MUSK: variants seen among roughly 807,000 people sequenced by gnomAD.
The protein encoded by MUSK is muscle, skeletal receptor tyrosine-protein kinase.
MUSK carries 55 observed loss-of-function variants against 88.7 expected under a neutral mutation model. The observed-to-expected ratio is 0.62, with a 90% CI of 0.50 to 0.78. MUSK has a LOEUF of 0.78. Ranked by LOEUF, MUSK falls within the 30% of genes least tolerant of loss-of-function variation. The pLI, the probability that MUSK is intolerant of heterozygous loss-of-function variation, is 0.00. For synonymous variants in MUSK, 387 were observed against 391.9 expected (o/e 0.99, Z 0.15); for missense variants, 1,015 against 1,074.3 (o/e 0.94, Z 0.77).
At chr9:110,676,702 ATCCATG>A (rs141172421) in intron 1 of MUSK, among the ~76,000 whole-genome samples, 28 of 151,688 alleles carry the variant, frequency 1.8e-4, no homozygotes, top group African/African-American at 6.8e-4. Flanking sequence ...TTCCAGCTCT[ATCCATG>A]TCCCTGCAAA....
chr9:110,782,213 T>A (rs955767779), intron 11 of MUSK, among the ~76,000 whole-genome samples: 4 of 151,990 alleles, frequency 2.6e-5, no homozygotes, highest in Non-Finnish European at 5.9e-5. Context: ...AGGAAAAGAA[T>A]CAAGACAGAA....
rs140239923 is a variant in MUSK at position 110,732,391 on chromosome 9, C to T, written c.629-1860C>T. Among the ~76,000 whole-genome samples the T allele has an allele frequency of 2.6e-4, 39 of 152,128 alleles. No individual in the cohort carries two copies. The East Asian group carries it at 6.8e-3, about 26-fold the overall frequency. On this transcript the variant is annotated intron_variant, in intron 5 of 14. Coordinates refer to ENST00000374448, the MANE Select transcript of MUSK (RefSeq NM_005592.4). ...CCTGGACGCACCCTCACTACGATGC[C>T]TGTCAGTGTTAGTTGTCAAGAGTCT...
At chr9:110,697,052 C>T (rs1367327587) in intron 4 of MUSK, among the ~76,000 whole-genome samples, 1 of 147,858 alleles carries the variant, frequency 6.8e-6, no homozygotes. Context: ...TATACATATA[C>T]ATATTATATA....
At chr9:110,755,947 T>TAC (rs2077309622) in intron 7 of MUSK, among the ~76,000 whole-genome samples, 4 of 86,402 alleles carry the variant, frequency 4.6e-5, no homozygotes, top group South Asian at 4.2e-4. Context: ...TATATATATA[T>TAC]ATACACATAT....
intron 11 of MUSK, among the ~76,000 whole-genome samples, chr9:110,784,454 T>A (rs1003542181): frequency 1.1e-4 from 16 of 152,204 alleles, no homozygotes; most frequent in African/African-American, 3.9e-4. Flanking sequence ...AAAGCTCAGC[T>A]CTAGACAATC....
At chr9:110,770,379 AATT>A in intron 9 of MUSK, among the ~76,000 whole-genome samples, 1 of 146,454 alleles carries the variant, frequency 6.8e-6, no homozygotes, top group African/African-American at 2.5e-5. Context: ...TGATATAACT[AATT>A]ATAAGCTATA....
At chr9:110,785,801 T>C in intron 13 of MUSK, 83 bp downstream of exon 13, 2 of 885,286 alleles carry the variant, frequency 2.3e-6, no homozygotes, top group Non-Finnish European at 3.3e-6. Context: ...GGTATATATA[T>C]AATATTAGCT....
intron 3 of MUSK, among the ~76,000 whole-genome samples, chr9:110,694,406 ACAAAAAAAC>A (rs2076403596): frequency 8.3e-6 from 1 of 120,132 alleles, no homozygotes; most frequent in Non-Finnish European, 1.7e-5. Flanking sequence ...AAAAAAAAAA[ACAAAAAAAC>A]AAAACCCAAC....
chr9:110,704,865 A>G (rs2076575817), intron 5 of MUSK, among the ~76,000 whole-genome samples: 1 of 151,924 alleles, frequency 6.6e-6, no homozygotes, highest in Non-Finnish European at 1.5e-5. Context: ...GGCACCTGAA[A>G]TTCTAGCTAC....
chr9:110,708,369 C>G (rs184882839), intron 5 of MUSK, among the ~76,000 whole-genome samples: 1 of 152,218 alleles, frequency 6.6e-6, no homozygotes, highest in Non-Finnish European at 1.5e-5. Flanking sequence ...TAAAACCCCA[C>G]CGTGTGCTGT....
intron 3 of MUSK, among the ~76,000 whole-genome samples, chr9:110,691,773 A>G (rs1362134812): frequency 2.0e-5 from 3 of 151,918 alleles, no homozygotes; most frequent in Admixed American, 1.3e-4. Context: ...ATTATTTCTT[A>G]TCTTTTGTTA....
chr9:110,755,761 T>C (rs1002205267), intron 7 of MUSK, among the ~76,000 whole-genome samples: 5 of 151,704 alleles, frequency 3.3e-5, no homozygotes, highest in Admixed American at 2.0e-4. Context: ...TTCCTCTTCA[T>C]CTCTGGCATA....
chr9:110,800,887 C>T lies in MUSK; in HGVS notation c.2509C>T (p.Leu837=). ...CPVELYNLMR[L]CWSKLPADRP... ...CGTGGAGCTGTACAATCTCATGCGT[C>T]TATGTTGGAGCAAGCTGCCTGCAGA... is the stretch of plus-strand genomic sequence containing the variant. The change falls in exon 15 of 15, where the codon CTA becomes TTA. Residue 837 remains leucine, a synonymous_variant. Transcript: ENST00000374448. 1 of 1,569,590 alleles carries T rather than the reference C, an allele frequency of 6.4e-7. No homozygotes were observed. Among genetic ancestry groups the T allele is most frequent in the South Asian group, 1.2e-5 (1 of 83,150 alleles).
intron 9 of MUSK, among the ~76,000 whole-genome samples, chr9:110,773,523 C>T (rs1421437690): frequency 1.5e-4 from 23 of 152,090 alleles, no homozygotes; most frequent in Admixed American, 1.5e-3. Flanking sequence ...CATTGATACT[C>T]ATTGTCATTC....
chr9:110,800,863 G>T lies in MUSK; in HGVS notation c.2485G>T (p.Val829Leu), dbSNP rs578430. 0.035 allele frequency: 56,109 copies of T among 1,600,684 alleles called. 3,194 individuals are homozygous for T. Among genetic ancestry groups the T allele is most frequent in the African/African-American group, 0.25 (18,654 of 74,618 alleles). Residue 829 changes from valine (V) to leucine (L), a missense_variant, in exon 15 of 15, where the codon GTG becomes TTG. Coordinates refer to ENST00000374448, the MANE Select transcript of MUSK (RefSeq NM_005592.4). ...NILSCPENCP[V>L]ELYNLMRLCW... ...CCTCTCCTGCCCTGAGAACTGCCCC[G>T]TGGAGCTGTACAATCTCATGCGTCT...
intron 6 of MUSK, among the ~76,000 whole-genome samples, chr9:110,739,306 C>T (rs148804447): frequency 3.3e-5 from 5 of 152,232 alleles, no homozygotes; most frequent in African/African-American, 1.2e-4. Flanking sequence ...AGTGAAGTTG[C>T]ATGGACAGCA....
At chr9:110,764,249 C>T (rs2077441658) in intron 8 of MUSK, among the ~76,000 whole-genome samples, 1 of 152,270 alleles carries the variant, frequency 6.6e-6, no homozygotes, top group South Asian at 2.1e-4. Flanking sequence ...ATCAGCAGTA[C>T]CACGAACTGC....
intron 5 of MUSK, among the ~76,000 whole-genome samples, chr9:110,710,770 C>A (rs919148246): frequency 1.3e-5 from 2 of 151,998 alleles, no homozygotes; most frequent in Admixed American, 6.6e-5. Context: ...GTGAAGGCGG[C>A]CTTCGTGTGT....
intron 8 of MUSK, among the ~76,000 whole-genome samples, chr9:110,763,045 A>G (rs2077424147): frequency 6.6e-6 from 1 of 152,170 alleles, no homozygotes; most frequent in South Asian, 2.1e-4. Flanking sequence ...TCATCCCACA[A>G]TGCGTACATG....
Sources: gnomAD v4.1 joint callset for allele counts (sites outside exome capture counted in the v4.1 genomes callset) on GRCh38, gnomAD v4.1.1 for gene constraint, MANE v1.5 for transcripts, NCBI Gene and HGNC (gene_info 2026-07-23, HGNC 2026-07-21) for gene names.